The following IL1RAPL1 variants were observed in gnomAD, a reference collection of about 807,000 sequenced individuals.
IL1RAPL1 encodes interleukin-1 receptor accessory protein-like 1.
Under a neutral mutation model 48.4 loss-of-function variants are expected in IL1RAPL1, and 3 were observed. The observed-to-expected ratio is 0.06, with a 90% CI of 0.03 to 0.16. IL1RAPL1 has a LOEUF of 0.16. Ranked by LOEUF, IL1RAPL1 falls within the 10% of genes least tolerant of loss-of-function variation. The pLI is 1.00. For synonymous variants in IL1RAPL1, 185 were observed against 187.7 expected, an observed-to-expected ratio of 0.99 and a Z score of 0.12; for missense variants, 349 against 530.6, an observed-to-expected ratio of 0.66 and a Z score of 3.36.
At position 29,132,453 on chromosome X, in the gene IL1RAPL1, C is replaced by T. The variant is rs185447478; in HGVS notation, c.83-150485C>T. On this transcript the variant is annotated intron_variant, in intron 2 of 10. Transcript: ENST00000378993. The stretch of plus-strand genomic sequence containing the variant: ...TTGTGTTACAGTTGCCTATAGTATT[C>T]AGTACAGTCAGATGCAGTACTGGTT... Among the ~76,000 whole-genome samples, 28 of 111,904 alleles carry T rather than the reference C, an allele frequency of 2.5e-4. 1 individual carries two copies. In the East Asian group the frequency reaches 6.8e-3, roughly 27 times the overall value.
At position 28,669,673 on chromosome X, in the gene IL1RAPL1, TTATAA is replaced by T. The variant is rs200161571; in HGVS notation, c.-25+81638_-25+81642del. Among the ~76,000 whole-genome samples, 776 of 103,936 alleles carry T rather than the reference TTATAA, an allele frequency of 7.5e-3. 20 individuals are homozygous for T. The highest frequency in any genetic ancestry group is 0.057 in the Admixed American group (515 of 9,037). 90.3% of individuals were successfully genotyped at this position (103,936 alleles called of 115,157 possible). On this transcript the variant is annotated intron_variant, in intron 1 of 10. Transcript: ENST00000378993. ...TATATATATAAATTATTTATATAAT[TTATAA>T]TATAATATAATTTTATATATAAATT...
chrX:29,547,114 A>G (rs920862493), intron 5 of IL1RAPL1, among the ~76,000 whole-genome samples: 2 of 112,103 alleles, frequency 1.8e-5, no homozygotes, highest in African/African-American at 3.2e-5. Context: ...AAAATTGAAA[A>G]TCACAGGTAA....
At chrX:29,777,970 C>T (rs1490485930) in intron 6 of IL1RAPL1, among the ~76,000 whole-genome samples, 4 of 108,899 alleles carry the variant, frequency 3.7e-5, no homozygotes, top group Non-Finnish European at 5.7e-5. Context: ...TTCATTTATA[C>T]TATTGTATAA....
intron 2 of IL1RAPL1, among the ~76,000 whole-genome samples, chrX:29,200,705 A>T (rs1266607062): frequency 2.7e-5 from 3 of 111,793 alleles, no homozygotes; most frequent in Non-Finnish European, 5.6e-5. Context: ...TACTATAAAA[A>T]CTATGACGCT....
At chrX:29,485,851 CAA>C (rs1291570862) in intron 5 of IL1RAPL1, among the ~76,000 whole-genome samples, 4 of 111,145 alleles carry the variant, frequency 3.6e-5, no homozygotes, top group African/African-American at 1.3e-4. Flanking sequence ...CCTGGCGACT[CAA>C]AGTGTGAGCA....
At chrX:29,535,969 T>C (rs1449917634) in intron 5 of IL1RAPL1, among the ~76,000 whole-genome samples, 1 of 112,103 alleles carries the variant, frequency 8.9e-6, no homozygotes, top group Non-Finnish European at 1.9e-5. Flanking sequence ...AATCAGTGGC[T>C]TCCCAGAGCC....
intron 2 of IL1RAPL1, among the ~76,000 whole-genome samples, chrX:29,207,109 C>T (rs182900221): frequency 1.3e-4 from 14 of 111,132 alleles, no homozygotes; most frequent in African/African-American, 3.3e-4. Flanking sequence ...GGGAATGGTA[C>T]TGCACGGCTA....
chrX:29,524,839 T>A (rs974679662), intron 5 of IL1RAPL1, among the ~76,000 whole-genome samples: 2 of 112,277 alleles, frequency 1.8e-5, no homozygotes, highest in Non-Finnish European at 3.8e-5. Context: ...TAAAGACAGA[T>A]CTCTGCTTTT....
intron 1 of IL1RAPL1, among the ~76,000 whole-genome samples, chrX:28,631,705 A>G (rs1316157161): frequency 2.7e-5 from 3 of 112,643 alleles, no homozygotes; most frequent in African/African-American, 9.7e-5. Context: ...TCCAAAGTAG[A>G]TTTTCTTCCA....
rs763273817 is a variant in IL1RAPL1 at position 28,731,394 on chromosome X, G to A, written c.-24-57926G>A. ...TTCCATTTTCTTTGCTGTCAGCAAA[G>A]TCTGCTTTTGTTGCCATGATAACTT... On this transcript the variant is annotated intron_variant, in intron 1 of 10. Transcript: ENST00000378993. 2.2e-4 allele frequency among the ~76,000 whole-genome samples: 25 copies of A among 111,699 alleles called. No individual in the cohort carries two copies. In the South Asian group the frequency reaches 9.3e-3, roughly 42 times the overall value.
At chrX:29,076,774 A>ATCTG (rs1230452120) in intron 2 of IL1RAPL1, among the ~76,000 whole-genome samples, 1 of 60,974 alleles carries the variant, frequency 1.6e-5, no homozygotes, top group Non-Finnish European at 3.0e-5. Flanking sequence ...AGACAGATCT[A>ATCTG]TCTATCTGTC....
At chrX:29,418,125 A>ATATTTTTTT (rs1474269220) in intron 5 of IL1RAPL1, among the ~76,000 whole-genome samples, 1 of 26,704 alleles carries the variant, frequency 3.7e-5, no homozygotes, top group Admixed American at 7.7e-4. Context: ...ATATATATAT[A>ATATTTTTTT]TTTTTTTTTT....
chrX:29,763,250 A>G (rs763506871), intron 6 of IL1RAPL1, among the ~76,000 whole-genome samples: 9 of 111,291 alleles, frequency 8.1e-5, no homozygotes, highest in African/African-American at 2.6e-4. Context: ...AGTCTTGAAT[A>G]TCTTTTGCAA....
At chrX:29,459,411 A>G (rs1345764332) in intron 5 of IL1RAPL1, among the ~76,000 whole-genome samples, 1 of 111,627 alleles carries the variant, frequency 9.0e-6, no homozygotes, top group Non-Finnish European at 1.9e-5. Flanking sequence ...ATAGACCATT[A>G]AATAGTTTAT....
chrX:29,737,427 G>C (rs1928077775), intron 6 of IL1RAPL1, among the ~76,000 whole-genome samples: 1 of 111,321 alleles, frequency 9.0e-6, no homozygotes, highest in South Asian at 3.8e-4. Context: ...TAGGTCATAG[G>C]ACTTGCTACA....
chrX:29,321,742 A>T (rs1424224087), intron 3 of IL1RAPL1, among the ~76,000 whole-genome samples: 1 of 111,357 alleles, frequency 9.0e-6, no homozygotes, highest in East Asian at 2.8e-4. Context: ...CTAGGATGTC[A>T]CTCTACACTT....
At chrX:29,017,546 G>A (rs1444693274) in intron 2 of IL1RAPL1, among the ~76,000 whole-genome samples, 4 of 111,739 alleles carry the variant, frequency 3.6e-5, no homozygotes, top group Non-Finnish European at 7.5e-5. Context: ...AGCCACGCTT[G>A]GAGGCTTTGT....
chrX:28,796,590 G>T (rs1014627802), intron 2 of IL1RAPL1, among the ~76,000 whole-genome samples: 1 of 111,970 alleles, frequency 8.9e-6, no homozygotes, highest in Admixed American at 9.4e-5. Context: ...TTGACTCCAT[G>T]TCTTGCTCAT....
At chrX:29,361,542 A>AACACACACACACACAC (rs35694893) in intron 3 of IL1RAPL1, among the ~76,000 whole-genome samples, 61 of 101,009 alleles carry the variant, frequency 6.0e-4, no homozygotes, top group African/African-American at 2.2e-3. Context: ...AACTACCTTA[A>AACACACACACACACAC]ACACACACAC....
Sources: allele counts gnomAD v4.1 joint callset (sites outside exome capture counted in the v4.1 genomes callset), GRCh38; gene constraint gnomAD v4.1.1; transcripts MANE v1.5; gene names NCBI Gene and HGNC (gene_info 2026-07-23, HGNC 2026-07-21).